The following DOCK3 variants were observed in gnomAD, a reference collection of about 807,000 sequenced individuals.
DOCK3 encodes dedicator of cytokinesis protein 3.
DOCK3 carries 60 observed loss-of-function variants against 265.6 expected under a neutral mutation model. The observed-to-expected ratio is 0.23, with a 90% CI of 0.18 to 0.28. The LOEUF is 0.28. Ranked by LOEUF, DOCK3 falls within the 10% of genes least tolerant of loss-of-function variation. The pLI, the probability that DOCK3 is intolerant of heterozygous loss-of-function variation, is 1.00. For synonymous variants in DOCK3, 881 were observed against 938.0 expected, an observed-to-expected ratio of 0.94 and a Z score of 1.11; for missense variants, 1,981 against 2,594.3, an observed-to-expected ratio of 0.76 and a Z score of 5.14.
intron 44 of DOCK3, among the ~76,000 whole-genome samples, 186 bp downstream of exon 44, chr3:51,357,327 C>T (rs1000123923): frequency 6.6e-6 from 1 of 152,188 alleles, no homozygotes; most frequent in African/African-American, 2.4e-5. Flanking sequence ...TTTGGTAGGG[C>T]CTTTTCTTCA....
chr3:51,044,580 A>G (rs2080681245), intron 5 of DOCK3, among the ~76,000 whole-genome samples: 1 of 150,800 alleles, frequency 6.6e-6, no homozygotes, highest in South Asian at 2.1e-4. Context: ...CTGAACTTAA[A>G]AAAAAAAAAA....
At chr3:51,356,001 G>A in intron 41 of DOCK3, 88 bp from the exon 42 acceptor site, 1 of 1,530,380 alleles carries the variant, frequency 6.5e-7, no homozygotes, top group Non-Finnish European at 9.0e-7. Flanking sequence ...GGACTATGGT[G>A]CACTTCTCCC....
chr3:51,239,299 T>C (rs1435605050), intron 21 of DOCK3, among the ~76,000 whole-genome samples: 1 of 151,972 alleles, frequency 6.6e-6, no homozygotes, highest in Non-Finnish European at 1.5e-5. Context: ...AACCTGCGCC[T>C]CCTGGGTTCA....
chr3:51,022,444 A>T (rs2108885765), intron 5 of DOCK3, among the ~76,000 whole-genome samples: 1 of 152,304 alleles, frequency 6.6e-6, no homozygotes, highest in Non-Finnish European at 1.5e-5. Context: ...ACTTAAAAGA[A>T]CTATGTTTTT....
chr3:51,163,827 A>G (rs2086250812), intron 12 of DOCK3, among the ~76,000 whole-genome samples: 1 of 152,208 alleles, frequency 6.6e-6, no homozygotes, highest in Non-Finnish European at 1.5e-5. Context: ...AATATGTATT[A>G]CAAATTATGT....
At chr3:51,153,125 G>A (rs370685700) in intron 10 of DOCK3, among the ~76,000 whole-genome samples, 1 of 152,220 alleles carries the variant, frequency 6.6e-6, no homozygotes, top group South Asian at 2.1e-4. Context: ...TACAGAGGCA[G>A]CAGGCCTTGC....
intron 7 of DOCK3, among the ~76,000 whole-genome samples, chr3:51,077,903 T>C (rs994701645): frequency 1.9e-4 from 29 of 152,164 alleles, no homozygotes; most frequent in African/African-American, 6.3e-4. Flanking sequence ...CAGACCTTCA[T>C]ACAGTGAAAC....
At chr3:51,152,589 A>G (rs1349806795) in intron 10 of DOCK3, among the ~76,000 whole-genome samples, 1 of 151,812 alleles carries the variant, frequency 6.6e-6, no homozygotes, top group Admixed American at 6.6e-5. Flanking sequence ...GGTTTTTAGA[A>G]TTTTCAGCTT....
At chr3:50,980,941 T>A (rs1464258772) in intron 5 of DOCK3, among the ~76,000 whole-genome samples, 1 of 152,164 alleles carries the variant, frequency 6.6e-6, no homozygotes, top group African/African-American at 2.4e-5. Context: ...TTACCTTTCA[T>A]CTGTATTTTG....
At chr3:50,902,162 T>G (rs1211497376) in intron 4 of DOCK3, among the ~76,000 whole-genome samples, 2 of 152,240 alleles carry the variant, frequency 1.3e-5, no homozygotes, top group Non-Finnish European at 2.9e-5. Context: ...GATGTTTCTT[T>G]TGCTGTGCTG....
rs6445843 is a variant in DOCK3, at chr3:51,082,973, C to A, written c.550-6270C>A. Among the ~76,000 whole-genome samples, 890 of 152,174 alleles carry A rather than the reference C, an allele frequency of 5.8e-3. 2 individuals carry two copies. Among genetic ancestry groups the A allele is most frequent in the Middle Eastern group, 0.01 (3 of 294 alleles). ...CTGCCATTGCCAGTGCCATGTGTACCACCACGGGGCCTGAGTACCCACTTG... is the reference window on the plus strand; with the variant it reads ...CTGCCATTGCCAGTGCCATGTGTACAACCACGGGGCCTGAGTACCCACTTG... On this transcript the variant is annotated intron_variant, in intron 7 of 52. Coordinates refer to ENST00000266037, the MANE Select transcript of DOCK3 (RefSeq NM_004947.5).
chr3:51,017,986 A>G lies in DOCK3; in HGVS notation c.316-46462A>G, dbSNP rs374610780. On this transcript the variant is annotated intron_variant, in intron 5 of 52. Transcript: ENST00000266037. ...CGGCTCACTGTAACCTCTGCCTCCC[A>G]TGTTCAAGCGATTCTCCTACCTCAG... Among the ~76,000 whole-genome samples the G allele has an allele frequency of 1.1e-4, 16 of 151,584 alleles. 1 individual carries two copies. The East Asian group carries it at 1.2e-3, about 11-fold the overall frequency.
intron 24 of DOCK3, among the ~76,000 whole-genome samples, chr3:51,272,126 A>G (rs1387666279): frequency 1.1e-4 from 16 of 152,354 alleles, no homozygotes; most frequent in Admixed American, 9.1e-4. Flanking sequence ...CAAATGCTCA[A>G]TGGCCATATA....
At chr3:51,281,297 A>ATATATATATATATATATATATATATG (rs889323835) in intron 27 of DOCK3, among the ~76,000 whole-genome samples, 4 of 136,714 alleles carry the variant, frequency 2.9e-5, no homozygotes, top group African/African-American at 1.1e-4. Context: ...ATATATATAT[A>ATATATATATATATATATATATATATG]TATATATATC....
At chr3:50,718,771 AT>A (rs373965842) in intron 1 of DOCK3, among the ~76,000 whole-genome samples, 5 of 76,962 alleles carry the variant, frequency 6.5e-5, no homozygotes, top group Admixed American at 1.8e-4. Flanking sequence ...TTGTGGGTTG[AT>A]TTTTTTTTTT....
At chr3:50,873,148 C>T (rs754257496) in intron 3 of DOCK3, among the ~76,000 whole-genome samples, 17 of 152,148 alleles carry the variant, frequency 1.1e-4, no homozygotes, top group Non-Finnish European at 2.2e-4. Flanking sequence ...CTGAGTTTCC[C>T]CCGAAGCCAG....
At chr3:51,248,823 T>G (rs1478566509) in intron 22 of DOCK3, among the ~76,000 whole-genome samples, 2 of 136,304 alleles carry the variant, frequency 1.5e-5, no homozygotes, top group African/African-American at 5.7e-5. Context: ...GTCTGGGATG[T>G]GGAGAGCACC....
At chr3:51,202,881 G>A (rs1424822148) in intron 12 of DOCK3, among the ~76,000 whole-genome samples, 1 of 151,806 alleles carries the variant, frequency 6.6e-6, no homozygotes, top group Non-Finnish European at 1.5e-5. Context: ...ATCAATAAAT[G>A]TAATCCAGCA....
intron 10 of DOCK3, among the ~76,000 whole-genome samples, chr3:51,154,413 C>T (rs1298241335): frequency 6.6e-6 from 1 of 152,072 alleles, no homozygotes; most frequent in African/African-American, 2.4e-5. Flanking sequence ...ACTCTGTCTT[C>T]AATTGGAAAA....
Sources: allele counts gnomAD v4.1 joint callset (sites outside exome capture counted in the v4.1 genomes callset), GRCh38; gene constraint gnomAD v4.1.1; transcripts MANE v1.5; gene names NCBI Gene and HGNC (gene_info 2026-07-23, HGNC 2026-07-21).